The following SIPA1L3 variants were observed in gnomAD, a reference collection of about 807,000 sequenced individuals.
SIPA1L3 encodes signal-induced proliferation-associated 1-like protein 3.
A neutral mutation model predicts 150.1 loss-of-function variants in SIPA1L3; 59 were observed. The ratio of observed to expected loss-of-function variants is 0.39; its 90% CI spans 0.32 to 0.49. The LOEUF is 0.49. SIPA1L3 is among the 20% of genes least tolerant of loss of function. The pLI, the probability that SIPA1L3 is intolerant of heterozygous loss-of-function variation, is 0.86. For synonymous variants in SIPA1L3, 1,070 were observed against 1,077.6 expected (o/e 0.99, Z 0.14); for missense variants, 2,211 against 2,489.5 (o/e 0.89, Z 2.38).
At chr19:37,997,864 CAAAAA>C (rs967452351) in intron 1 of SIPA1L3, among the ~76,000 whole-genome samples, 1 of 69,276 alleles carries the variant, frequency 1.4e-5, no homozygotes, top group Admixed American at 1.7e-4. Context: ...GACTCCATCT[CAAAAA>C]AAAAAAAAAA....
Position 38,190,197 on chromosome 19 carries a change from C to G in SIPA1L3, c.4431-1948C>G, listed in dbSNP as rs544180969. Among the ~76,000 whole-genome samples the G allele has an allele frequency of 3.2e-4, 48 of 152,316 alleles. 1 individual carries two copies. The highest frequency in any genetic ancestry group is 1.1e-3 in the African/African-American group (45 of 41,568). On this transcript the variant is annotated intron_variant, in intron 16 of 21. Coordinates refer to ENST00000222345, the MANE Select transcript of SIPA1L3 (RefSeq NM_015073.3). ...TCGAGGGGAGCCTGTGGGCAGTGCA[C>G]TGGCTGGGGGGCGTGCTGAAGGCCA...
intron 20 of SIPA1L3, among the ~76,000 whole-genome samples, chr19:38,202,439 T>G (rs1194482383): frequency 6.6e-6 from 1 of 151,732 alleles, no homozygotes; most frequent in Non-Finnish European, 1.5e-5. Flanking sequence ...AATACAAAAA[T>G]TAGCCGGGCG....
At chr19:38,183,176 C>T (rs778222697) in intron 16 of SIPA1L3, among the ~76,000 whole-genome samples, 2 of 152,022 alleles carry the variant, frequency 1.3e-5, no homozygotes, top group Non-Finnish European at 2.9e-5. Flanking sequence ...TTGAGGGCCA[C>T]GTGGAAGGGA....
chr19:37,999,681 A>C (rs1967735950), intron 1 of SIPA1L3, among the ~76,000 whole-genome samples: 1 of 152,236 alleles, frequency 6.6e-6, no homozygotes, highest in Non-Finnish European at 1.5e-5. Flanking sequence ...TGGGTAGCCC[A>C]GTGGGAGACC....
intron 2 of SIPA1L3, among the ~76,000 whole-genome samples, chr19:38,058,512 G>A (rs549531486): frequency 3.9e-5 from 6 of 152,188 alleles, no homozygotes; most frequent in African/African-American, 1.2e-4. Flanking sequence ...AGGGTGCCCC[G>A]CTCTCCCTGA....
intron 4 of SIPA1L3, among the ~76,000 whole-genome samples, chr19:38,092,145 G>T (rs1970273659): frequency 6.6e-6 from 1 of 151,970 alleles, no homozygotes; most frequent in Non-Finnish European, 1.5e-5. Flanking sequence ...GGGGTAAGAG[G>T]TTAAGACGGA....
rs73040879 is a variant in SIPA1L3 at position 38,044,010 on chromosome 19, G to A, written c.-311+14854G>A. The stretch of plus-strand genomic sequence containing the variant: ...GGTCCATGGTCCTGCCTGTGGGGGT[G>A]TGAAGGAGGGGTGAGCCCATTTATA... On this transcript the variant is annotated intron_variant, in intron 2 of 21. Transcript: ENST00000222345. Among the ~76,000 whole-genome samples the A allele has an allele frequency of 5.9e-3, 903 of 152,312 alleles. 9 individuals are homozygous for A. The highest frequency in any genetic ancestry group is 0.01 in the Non-Finnish European group (694 of 68,026).
At chr19:38,162,792 G>T (rs2145981334) in intron 14 of SIPA1L3, among the ~76,000 whole-genome samples, 1 of 152,360 alleles carries the variant, frequency 6.6e-6, no homozygotes, top group South Asian at 2.1e-4. Flanking sequence ...TCCCTCAGAG[G>T]TTCCAAGCCC....
chr19:38,000,879 ATATATATATATATGT>A (rs1568495802), intron 1 of SIPA1L3, among the ~76,000 whole-genome samples: 6 of 140,178 alleles, frequency 4.3e-5, no homozygotes, highest in African/African-American at 1.7e-4. Context: ...CAAGTTTTTT[ATATATATATATATGT>A]TATATATATA....
At chr19:38,049,713 T>C (rs1969146351) in intron 2 of SIPA1L3, among the ~76,000 whole-genome samples, 1 of 152,110 alleles carries the variant, frequency 6.6e-6, no homozygotes, top group South Asian at 2.1e-4. Context: ...GGGGTTTTGC[T>C]CCATTGGCCA....
chr19:37,924,026 C>T (rs543355962), intron 1 of SIPA1L3, among the ~76,000 whole-genome samples: 15 of 152,284 alleles, frequency 9.9e-5, no homozygotes, highest in South Asian at 2.1e-4. Context: ...CTGCCTCCCT[C>T]GGCCTCCCAA....
chr19:38,109,914 T>G (rs1600083673), intron 7 of SIPA1L3: 2 of 291,008 alleles, frequency 6.9e-6, no homozygotes, highest in Non-Finnish European at 1.3e-5. Context: ...CCTGGGAGGG[T>G]GAGGTTTATG....
At chr19:37,968,915 C>T (rs1010574659) in intron 1 of SIPA1L3, among the ~76,000 whole-genome samples, 7 of 152,188 alleles carry the variant, frequency 4.6e-5, no homozygotes, top group African/African-American at 1.7e-4. Flanking sequence ...CTTAGTTAGA[C>T]CTGGGTCAGG....
At chr19:38,141,635 C>T (rs1971587518) in intron 11 of SIPA1L3, among the ~76,000 whole-genome samples, 200 bp downstream of exon 11, 1 of 152,120 alleles carries the variant, frequency 6.6e-6, no homozygotes, top group South Asian at 2.1e-4. Context: ...TCTGGGGACC[C>T]AGTGCTGGGG....
chr19:38,021,346 A>G (rs933474232), intron 1 of SIPA1L3, among the ~76,000 whole-genome samples: 1 of 152,182 alleles, frequency 6.6e-6, no homozygotes, highest in Non-Finnish European at 1.5e-5. Flanking sequence ...CAACACCAGC[A>G]CTGCTCTGAC....
At chr19:38,045,428 G>A (rs1314239445) in intron 2 of SIPA1L3, among the ~76,000 whole-genome samples, 1 of 151,166 alleles carries the variant, frequency 6.6e-6, no homozygotes, top group African/African-American at 2.4e-5. Flanking sequence ...ATTTAACTGT[G>A]GCAATGAAAC....
At chr19:38,029,621 G>A (rs1480082119) in intron 2 of SIPA1L3, among the ~76,000 whole-genome samples, 1 of 152,108 alleles carries the variant, frequency 6.6e-6, no homozygotes, top group African/African-American at 2.4e-5. Context: ...GTTTTGAGAT[G>A]GAGTTTCACT....
intron 13 of SIPA1L3, among the ~76,000 whole-genome samples, chr19:38,156,043 T>A (rs1971942679): frequency 6.6e-6 from 1 of 151,602 alleles, no homozygotes; most frequent in Non-Finnish European, 1.5e-5. Flanking sequence ...ATCGCGCCGT[T>A]CCACTCCAGC....
At chr19:38,001,332 A>G (rs1176398726) in intron 1 of SIPA1L3, among the ~76,000 whole-genome samples, 1 of 152,006 alleles carries the variant, frequency 6.6e-6, no homozygotes, top group Non-Finnish European at 1.5e-5. Context: ...CTTGTTCTAG[A>G]TATTTATCTT....
Sources: gnomAD v4.1 joint callset for allele counts (sites outside exome capture counted in the v4.1 genomes callset) on GRCh38, gnomAD v4.1.1 for gene constraint, MANE v1.5 for transcripts, NCBI Gene and HGNC (gene_info 2026-07-23, HGNC 2026-07-21) for gene names.